Variants in PLD5 observed in about 807,000 individuals in gnomAD.
The protein encoded by PLD5 is inactive phospholipase D5.
A neutral mutation model predicts 61.1 loss-of-function variants in PLD5; 36 were observed. The ratio of observed to expected loss-of-function variants is 0.59; its 90% CI spans 0.45 to 0.78. The LOEUF is 0.78. Among genes scored for constraint, PLD5 ranks in the 30% least tolerant of loss-of-function variants. The pLI is 0.00. For synonymous variants in PLD5, 243 were observed against 242.8 expected, an observed-to-expected ratio of 1.00 and a Z score of -0.01; for missense variants, 515 against 644.4, an observed-to-expected ratio of 0.80 and a Z score of 2.17.
intron 1 of PLD5, among the ~76,000 whole-genome samples, chr1:242,406,290 A>AT (rs1278905795): frequency 6.6e-6 from 1 of 152,194 alleles, no homozygotes; most frequent in African/African-American, 2.4e-5. Flanking sequence ...ATTACTATGC[A>AT]AGGAATGAGA....
intron 1 of PLD5, among the ~76,000 whole-genome samples, chr1:242,504,683 C>A (rs1668664364): frequency 6.6e-6 from 1 of 152,062 alleles, no homozygotes; most frequent in African/African-American, 2.4e-5. Context: ...TCCACTTCAG[C>A]AACTTGTTTC....
At chr1:242,113,201 C>T (rs1024729048) in intron 7 of PLD5, among the ~76,000 whole-genome samples, 4 of 150,784 alleles carry the variant, frequency 2.7e-5, no homozygotes, top group African/African-American at 4.9e-5. Context: ...GCCATTCTCC[C>T]GCCTCAGCCT....
chr1:242,471,765 G>A (rs1268841988), intron 1 of PLD5, among the ~76,000 whole-genome samples: 3 of 152,118 alleles, frequency 2.0e-5, no homozygotes. Context: ...TTTGGTGAGA[G>A]TATTTCCTAC....
chr1:242,468,194 A>T (rs1667334071), intron 1 of PLD5, among the ~76,000 whole-genome samples: 1 of 152,186 alleles, frequency 6.6e-6, no homozygotes, highest in South Asian at 2.1e-4. Flanking sequence ...TGATTTATTG[A>T]CTTTAAGCAT....
At chr1:242,512,820 A>G (rs962267069) in intron 1 of PLD5, among the ~76,000 whole-genome samples, 4 of 152,130 alleles carry the variant, frequency 2.6e-5, no homozygotes, top group Non-Finnish European at 4.4e-5. Flanking sequence ...ATGCCTAATC[A>G]GTAGTTTCTC....
rs192032524 is a variant in PLD5, at chr1:242,474,947, G to T, written c.189+49141C>A. On this transcript the variant is annotated intron_variant, in intron 1 of 9. Transcript: ENST00000536534. ...ATGCATTATAAATATGTATTTATAT[G>T]TATATTGTCCATAATTTATGAGCTT... 4.0e-3 allele frequency among the ~76,000 whole-genome samples: 612 copies of T among 152,312 alleles called. 3 individuals carry two copies. Among genetic ancestry groups the T allele is most frequent in the African/African-American group, 0.011 (467 of 41,576 alleles).
At chr1:242,110,335 T>C (rs1661386702) in intron 7 of PLD5, among the ~76,000 whole-genome samples, 1 of 151,940 alleles carries the variant, frequency 6.6e-6, no homozygotes, top group South Asian at 2.1e-4. Flanking sequence ...TTAAATGACA[T>C]TAATTCTCAT....
At chr1:242,211,697 CA>C (rs947070327) in intron 5 of PLD5, among the ~76,000 whole-genome samples, 47 of 152,214 alleles carry the variant, frequency 3.1e-4, no homozygotes, top group Admixed American at 2.4e-3. Context: ...AGGAACGCTA[CA>C]AAAGGATCAC....
chr1:242,357,106 G>C (rs1291789763), intron 1 of PLD5, among the ~76,000 whole-genome samples: 1 of 152,044 alleles, frequency 6.6e-6, no homozygotes, highest in Non-Finnish European at 1.5e-5. Flanking sequence ...TCCTGTAAGA[G>C]AGACCTAATA....
chr1:242,413,586 G>A (rs1664671512), intron 1 of PLD5, among the ~76,000 whole-genome samples: 1 of 152,184 alleles, frequency 6.6e-6, no homozygotes, highest in South Asian at 2.1e-4. Context: ...ACGACTTCCA[G>A]TCAAGTGAAG....
intron 5 of PLD5, among the ~76,000 whole-genome samples, chr1:242,179,676 G>A (rs913995562): frequency 6.6e-6 from 1 of 152,188 alleles, no homozygotes; most frequent in South Asian, 2.1e-4. Flanking sequence ...GCCGAGGCGG[G>A]CAGATCACTT....
intron 1 of PLD5, among the ~76,000 whole-genome samples, chr1:242,467,157 T>G (rs1572199649): frequency 6.6e-6 from 1 of 152,134 alleles, no homozygotes; most frequent in Non-Finnish European, 1.5e-5. Context: ...GTAGCTTAAT[T>G]TAATCATCCC....
intron 5 of PLD5, among the ~76,000 whole-genome samples, chr1:242,190,739 CA>C (rs140287978): frequency 1.2e-3 from 177 of 147,574 alleles, no homozygotes; most frequent in Non-Finnish European, 2.1e-3. Context: ...AACAAACAAA[CA>C]AAAAAAAAAT....
intron 1 of PLD5, among the ~76,000 whole-genome samples, chr1:242,486,251 A>G (rs921473803): frequency 1.3e-4 from 20 of 152,200 alleles, no homozygotes; most frequent in Non-Finnish European, 1.0e-4. Context: ...TGCACAGCAA[A>G]AGAAACTACC....
At chr1:242,106,982 C>CA in intron 8 of PLD5, among the ~76,000 whole-genome samples, 1 of 152,128 alleles carries the variant, frequency 6.6e-6, no homozygotes, top group Non-Finnish European at 1.5e-5. Context: ...TAACACATTT[C>CA]AGGTATTGCT....
intron 5 of PLD5, among the ~76,000 whole-genome samples, chr1:242,125,819 C>T (rs953267130): frequency 6.6e-6 from 1 of 152,116 alleles, no homozygotes; most frequent in Non-Finnish European, 1.5e-5. Context: ...CAGGACTCCC[C>T]AGTACAACAT....
intron 5 of PLD5, among the ~76,000 whole-genome samples, chr1:242,199,444 G>T (rs1029792922): frequency 6.6e-6 from 1 of 152,032 alleles, no homozygotes; most frequent in Non-Finnish European, 1.5e-5. Flanking sequence ...TAGAAGAGAT[G>T]GTGTTTCACA....
intron 4 of PLD5, among the ~76,000 whole-genome samples, chr1:242,246,015 A>T (rs1234896470): frequency 1.3e-5 from 2 of 152,142 alleles, no homozygotes. Flanking sequence ...TATCTCATTA[A>T]TCTTCAGAAT....
chr1:242,458,215 C>A (rs1345829083), intron 1 of PLD5, among the ~76,000 whole-genome samples: 1 of 152,188 alleles, frequency 6.6e-6, no homozygotes, highest in Non-Finnish European at 1.5e-5. Context: ...GTCCTCTCAA[C>A]TTGTCTTCAA....
Sources: allele counts gnomAD v4.1 joint callset (sites outside exome capture counted in the v4.1 genomes callset), GRCh38; gene constraint gnomAD v4.1.1; transcripts MANE v1.5; gene names NCBI Gene and HGNC (gene_info 2026-07-23, HGNC 2026-07-21).